Variants in CNOT7 observed in about 807,000 individuals in gnomAD.
The protein encoded by CNOT7 is BTG1-binding factor 1.
In CNOT7, 4 loss-of-function variants were observed where a neutral mutation model predicts 37.1. That is an observed-to-expected ratio of 0.11 (90% CI 0.05 to 0.25). The LOEUF (loss-of-function observed/expected upper bound fraction) is 0.25, where lower values mean the gene tolerates loss of function less well. CNOT7 is among the 10% of genes least tolerant of loss of function. The pLI is 1.00. For synonymous variants in CNOT7, 128 were observed against 115.6 expected (o/e 1.11, Z -0.69); for missense variants, 170 against 336.2 (o/e 0.51, Z 3.87).
At position 17,234,859 on chromosome 8, in the gene CNOT7, C is replaced by T. The variant is rs562363899; in HGVS notation, c.475G>A (p.Gly159Ser). The change falls in exon 5 of 7, where the codon GGT becomes AGT. Residue 159 changes from glycine to serine, a missense_variant and splice_region_variant. Around this residue, in one of 6 missense-constraint regions of CNOT7, gnomAD observed 68 missense variants for 151.1 expected, o/e 0.45. Coordinates refer to ENST00000361272, the MANE Select transcript of CNOT7 (RefSeq NM_013354.7). ...TTGATTAAGTAGCCAAAGTCGTAAC[C>T]GCTATAAAAGGGTTAAAAGAATAGA... Reference protein sequence around the residue: ...EGVKWLSFHSGYDFGYLIKIL... With the variant: ...EGVKWLSFHSSYDFGYLIKIL... 6.8e-6 allele frequency: 11 copies of T among 1,612,670 alleles called. No individual in the cohort carries two copies. The highest frequency in any genetic ancestry group is 2.7e-5 in the African/African-American group (2 of 74,642).
At chr8:17,241,464 T>A (rs1344062398) in intron 3 of CNOT7, 6 of 152,122 alleles carry the variant, frequency 3.9e-5, no homozygotes, top group African/African-American at 2.4e-5. Flanking sequence ...ACAGGCATCA[T>A]TACTCTGCTT....
chr8:17,227,520 G>C lies in CNOT7; in HGVS notation c.*3200C>G, dbSNP rs183108100. 3 of 151,888 alleles carry C rather than the reference G, an allele frequency of 2.0e-5. No homozygotes were observed. The highest frequency in any genetic ancestry group is 4.8e-5 in the African/African-American group (2 of 41,410). The allele number at this position is 151,888 out of a possible 1,614,324, so 9.4% of individuals were successfully genotyped here. On this transcript the variant is annotated 3_prime_UTR_variant, in exon 7 of 7. Transcript: ENST00000361272. ...TGGGTTGGTTACTATCTTCAAGCAC[G>C]ATGTAATTCAGCATTAGTAAATGGT...
intron 2 of CNOT7, chr8:17,243,534 T>C (rs1403242427): frequency 2.1e-6 from 1 of 475,412 alleles, no homozygotes; most frequent in Non-Finnish European, 4.2e-6. Flanking sequence ...TAAAACCAAG[T>C]TTCTTGAAGA....
intron 3 of CNOT7, among the ~76,000 whole-genome samples, chr8:17,238,411 T>C (rs1809671380): frequency 6.6e-6 from 1 of 152,060 alleles, no homozygotes; most frequent in African/African-American, 2.4e-5. Flanking sequence ...AATGGAAATA[T>C]TTTAAAAGAG....
chr8:17,230,645 G>A lies in CNOT7; in HGVS notation c.*75C>T. 3.0e-6 allele frequency: 4 copies of A among 1,316,726 alleles called. No individual in the cohort carries two copies. The highest frequency in any genetic ancestry group is 2.5e-5 in the East Asian group (1 of 40,232). The allele number at this position is 1,316,726 out of a possible 1,614,324, so 81.6% of individuals were successfully genotyped here. On this transcript the variant is annotated 3_prime_UTR_variant, in exon 7 of 7. Coordinates refer to ENST00000361272, the MANE Select transcript of CNOT7 (RefSeq NM_013354.7). ...GGGAAAGGTACTGTCTATTGTTCGA[G>A]GGATTCAACCAGAGATAAAACCTAT...
At chr8:17,232,955 T>C (rs1188666837) in intron 5 of CNOT7, among the ~76,000 whole-genome samples, 1 of 152,198 alleles carries the variant, frequency 6.6e-6, no homozygotes, top group Non-Finnish European at 1.5e-5. Context: ...CCATTTGTAG[T>C]TTTCACTTAA....
intron 3 of CNOT7, among the ~76,000 whole-genome samples, chr8:17,238,638 T>C (rs1475606417): frequency 6.6e-6 from 1 of 151,800 alleles, no homozygotes; most frequent in Non-Finnish European, 1.5e-5. Flanking sequence ...CTATAAGCAA[T>C]GAAAGGGATA....
At chr8:17,246,043 G>C (rs1458986055) in intron 1 of CNOT7, 2 of 151,798 alleles carry the variant, frequency 1.3e-5, no homozygotes, top group Non-Finnish European at 2.9e-5. Flanking sequence ...TCTCCAAGTA[G>C]AGAAACTAAA....
chr8:17,240,874 T>C (rs1260946659), intron 3 of CNOT7, among the ~76,000 whole-genome samples: 1 of 152,222 alleles, frequency 6.6e-6, no homozygotes, highest in Non-Finnish European at 1.5e-5. Flanking sequence ...GTTCAATCTT[T>C]TGGCTTCCTT....
chr8:17,226,815 A>G lies in CNOT7; in HGVS notation c.*3905T>C, dbSNP rs1274289796. On this transcript the variant is annotated 3_prime_UTR_variant, in exon 7 of 7. Transcript: ENST00000361272. ...TTTCAGGTCAAATTCATTAAGAAAC[A>G]TTTTCAAGTCTGTGGCAAAAGTTAA... 6.6e-6 allele frequency: 1 copy of G among 151,746 alleles called. No homozygotes were observed. Among genetic ancestry groups the G allele is most frequent in the Non-Finnish European group, 1.5e-5 (1 of 67,742 alleles). The allele number at this position is 151,746 out of a possible 1,614,324, so 9.4% of individuals were successfully genotyped here. A position where few individuals can be genotyped will look rare whatever the true frequency, so the allele number is the denominator to read the frequency against.
chr8:17,234,778 G>C lies in CNOT7; in HGVS notation c.556C>G (p.Arg186Gly). 6.2e-7 allele frequency: 1 copy of C among 1,613,896 alleles called. No homozygotes were observed. The highest frequency in any genetic ancestry group is 8.5e-7 in the Non-Finnish European group (1 of 1,179,860). The change falls in exon 5 of 7, where the codon CGA becomes GGA. Residue 186 changes from arginine (R) to glycine (G), a missense_variant. Physicochemically the swap from Arg to Gly is moderately radical, Grantham distance 125. Transcript: ENST00000361272. ...TCATAAATGACAGGAAAAAACAATC[G>C]AAGGATCTCAAAGAAGTCAAGTTCT... ...EEELDFFEIL[R>G]LFFPVIYDVK...
At chr8:17,237,938 C>T (rs1157967715) in intron 3 of CNOT7, among the ~76,000 whole-genome samples, 3 of 152,240 alleles carry the variant, frequency 2.0e-5, no homozygotes, top group East Asian at 1.9e-4. Context: ...ATAAGCAACA[C>T]TGTATAAAGG....
chr8:17,244,276 CAG>C (rs1810585688), intron 2 of CNOT7: 1 of 152,532 alleles, frequency 6.6e-6, no homozygotes, highest in Non-Finnish European at 1.5e-5. Context: ...CGTGCAAAAG[CAG>C]AGTTGCTTAG....
Position 17,237,339 on chromosome 8 carries a change from G to A in CNOT7, c.346C>T (p.Leu116=), listed in dbSNP as rs1287606291. 6.2e-7 allele frequency: 1 copy of A among 1,614,034 alleles called. No individual in the cohort carries two copies. The highest frequency in any genetic ancestry group is 2.2e-5 in the East Asian group (1 of 44,852). ...TTAAACTGGATACCAGATGTTGTTAGTAGCTCTATAGAGTCCTGGGCATAC... is the reference window on the plus strand; with the variant it reads ...TTAAACTGGATACCAGATGTTGTTAATAGCTCTATAGAGTCCTGGGCATAC... ...DMYAQDSIEL[L]TTSGIQFKKH... The change falls in exon 4 of 7, where the codon CTA becomes TTA. Residue 116 remains leucine (L), a synonymous_variant. Coordinates refer to ENST00000361272, the MANE Select transcript of CNOT7 (RefSeq NM_013354.7).
intron 5 of CNOT7, among the ~76,000 whole-genome samples, chr8:17,234,370 T>C (rs1809052381): frequency 6.6e-6 from 1 of 152,206 alleles, no homozygotes. Flanking sequence ...TCTATGCGTC[T>C]TGGGAGAAAG....
chr8:17,230,636 A>G lies in CNOT7; in HGVS notation c.*84T>C, dbSNP rs1383615374. 4.3e-5 allele frequency: 53 copies of G among 1,220,628 alleles called. No individual in the cohort carries two copies. The highest frequency in any genetic ancestry group is 1.8e-4 in the East Asian group (7 of 39,168). The allele number at this position is 1,220,628 out of a possible 1,614,324, so 75.6% of individuals were successfully genotyped here. Reference sequence around the variant, plus strand: ...GAAAGGGGGGGGAAAGGTACTGTCTATTGTTCGAGGGATTCAACCAGAGAT... The same window carrying G: ...GAAAGGGGGGGGAAAGGTACTGTCTGTTGTTCGAGGGATTCAACCAGAGAT... On this transcript the variant is annotated 3_prime_UTR_variant, in exon 7 of 7. Coordinates refer to ENST00000361272, the MANE Select transcript of CNOT7 (RefSeq NM_013354.7).
chr8:17,239,307 A>G (rs1246702991), intron 3 of CNOT7, among the ~76,000 whole-genome samples: 1 of 152,078 alleles, frequency 6.6e-6, no homozygotes, highest in African/African-American at 2.4e-5. Flanking sequence ...CTGGCTTCCA[A>G]CTGGCCTCCC....
chr8:17,236,596 C>T (rs1018029229), intron 4 of CNOT7, among the ~76,000 whole-genome samples: 18 of 151,962 alleles, frequency 1.2e-4, no homozygotes, highest in Non-Finnish European at 2.4e-4. Flanking sequence ...TAAGGGATGC[C>T]TTATCACTTT....
chr8:17,233,124 G>C (rs1273905387), intron 5 of CNOT7, among the ~76,000 whole-genome samples: 1 of 152,092 alleles, frequency 6.6e-6, no homozygotes, highest in African/African-American at 2.4e-5. Context: ...AGAAAGATGA[G>C]AGTGGAAAGA....
Sources: gnomAD v4.1 joint callset for allele counts (sites outside exome capture counted in the v4.1 genomes callset) on GRCh38, gnomAD v4.1.1 for gene constraint, gnomAD v4.1.1 regional missense constraint, MANE v1.5 for transcripts, NCBI Gene and HGNC (gene_info 2026-07-23, HGNC 2026-07-21) for gene names.